Variants in WDR59 observed in about 807,000 individuals in gnomAD.
The protein encoded by WDR59 is GATOR2 complex protein WDR59.
A neutral mutation model predicts 131.2 loss-of-function variants in WDR59; 100 were observed. The ratio of observed to expected loss-of-function variants is 0.76; its 90% CI spans 0.65 to 0.90. The LOEUF is 0.90. WDR59 is among the 40% of genes least tolerant of loss of function. The pLI, the probability that WDR59 is intolerant of heterozygous loss-of-function variation, is 0.00. For synonymous variants in WDR59, 601 were observed against 466.2 expected, an observed-to-expected ratio of 1.29 and a Z score of -3.72; for missense variants, 1,203 against 1,262.2, an observed-to-expected ratio of 0.95 and a Z score of 0.71.
At chr16:74,897,933 G>C (rs778524694) in intron 18 of WDR59, among the ~76,000 whole-genome samples, 1 of 152,300 alleles carries the variant, frequency 6.6e-6, no homozygotes, top group Middle Eastern at 3.4e-3. Context: ...TAACGAGGCT[G>C]TCTAGCTGGA....
rs1274007257 is a variant in WDR59 at position 74,915,925 on chromosome 16, G to T, written c.1169C>A (p.Thr390Asn). ...GATCAGGGAGAATTCCTGCTGCAAG[G>T]TCTGAGGCAGCCCCAGTTGATCTGA... is the stretch of plus-strand genomic sequence containing the variant. ...RKSDQLGLPQTLQQEFSLINV... is the reference protein window; with the variant it reads ...RKSDQLGLPQNLQQEFSLINV... Residue 390 changes from threonine to asparagine, a missense_variant, in exon 13 of 26, where the codon ACC becomes AAC. Thr to Asn is a moderately conservative substitution (Grantham distance 65). Coordinates refer to ENST00000262144, the MANE Select transcript of WDR59 (RefSeq NM_030581.4). The T allele has an allele frequency of 6.2e-7, 1 of 1,614,190 alleles. No individual in the cohort carries two copies. The highest frequency in any genetic ancestry group is 1.1e-5 in the South Asian group (1 of 91,090).
In WDR59 at chr16:74,965,838, C is replaced by G; in HGVS notation, c.55-16G>C. The G allele has an allele frequency of 6.2e-7, 1 of 1,614,086 alleles. No homozygotes were observed. The highest frequency in any genetic ancestry group is 8.5e-7 in the Non-Finnish European group (1 of 1,180,016). On this transcript the variant is annotated splice_polypyrimidine_tract_variant and intron_variant, in intron 1 of 25. Coordinates refer to ENST00000262144, the MANE Select transcript of WDR59 (RefSeq NM_030581.4). ...TCGCAGTTGCCTGAGAGAGAGAACA[C>G]AGAGTCAGTGCTGCCAGCAAACCCA...
chr16:74,983,012 G>T (rs796561144), intron 1 of WDR59, among the ~76,000 whole-genome samples: 16 of 152,286 alleles, frequency 1.1e-4, no homozygotes, highest in African/African-American at 3.6e-4. Context: ...ATAAAAGTGT[G>T]GCACACAGAA....
intron 23 of WDR59, among the ~76,000 whole-genome samples, chr16:74,887,061 T>C (rs1964803698): frequency 6.6e-6 from 1 of 152,192 alleles, no homozygotes; most frequent in South Asian, 2.1e-4. Context: ...AAGTCACATA[T>C]ATCAAATGAC....
At chr16:74,972,586 C>T (rs970643788) in intron 1 of WDR59, among the ~76,000 whole-genome samples, 5 of 151,882 alleles carry the variant, frequency 3.3e-5, no homozygotes, top group Non-Finnish European at 1.5e-5. Context: ...GTAATCTCAG[C>T]ACGATGGGAG....
At chr16:74,961,071 A>C (rs1010674202) in intron 2 of WDR59, among the ~76,000 whole-genome samples, 2 of 151,958 alleles carry the variant, frequency 1.3e-5, no homozygotes, top group Non-Finnish European at 2.9e-5. Flanking sequence ...TTGGGGGGCC[A>C]AGGCAGGAGG....
chr16:74,903,671 A>G (rs1965662191), intron 18 of WDR59, among the ~76,000 whole-genome samples: 1 of 151,650 alleles, frequency 6.6e-6, no homozygotes, highest in African/African-American at 2.4e-5. Context: ...GAATCAACTC[A>G]GGGAGTGGAG....
intron 1 of WDR59, among the ~76,000 whole-genome samples, chr16:74,984,399 G>T (rs1294622953): frequency 6.6e-6 from 1 of 152,202 alleles, no homozygotes; most frequent in Non-Finnish European, 1.5e-5. Flanking sequence ...AGTGATGACA[G>T]GGTAGGGGCT....
intron 13 of WDR59, among the ~76,000 whole-genome samples, chr16:74,914,448 A>G (rs2095691697): frequency 6.6e-6 from 1 of 152,200 alleles, no homozygotes; most frequent in African/African-American, 2.4e-5. Context: ...TGGAGTAAAG[A>G]GAAAAGAACC....
Position 74,984,961 on chromosome 16 carries a change from C to T in WDR59, c.54+3G>A, listed in dbSNP as rs2034566657. On this transcript the variant is annotated splice_donor_region_variant and intron_variant, in intron 1 of 25. Transcript: ENST00000262144. ...AGAGGGCTCCACTCGGCCTCTAGCT[C>T]ACCTGGGAGTCACGGAACTCTACAA... 8 of 1,604,000 alleles carry T rather than the reference C, an allele frequency of 5.0e-6. No homozygotes were observed. Among genetic ancestry groups the T allele is most frequent in the South Asian group, 1.1e-5 (1 of 89,364 alleles).
At chr16:74,959,704 C>CAGCA in intron 2 of WDR59, 1 of 294,802 alleles carries the variant, frequency 3.4e-6, no homozygotes, top group Non-Finnish European at 6.5e-6. Flanking sequence ...ATTGCTTGCC[C>CAGCA]AGCAATTCAA....
At chr16:74,881,872 C>CAAAAAAAAAAA in intron 25 of WDR59, among the ~76,000 whole-genome samples, 1 of 48,458 alleles carries the variant, frequency 2.1e-5, no homozygotes, top group Non-Finnish European at 4.3e-5. Flanking sequence ...GACTCCGTCT[C>CAAAAAAAAAAA]AAAAAAAAAA....
Position 74,916,117 on chromosome 16 carries a change from G to A in WDR59, c.1099+10C>T. On this transcript the variant is annotated intron_variant, in intron 12 of 25. Transcript: ENST00000262144. The stretch of plus-strand genomic sequence containing the variant: ...GGCACCTTACCTGAGACATCAGTTT[G>A]ACAAATTACCTTCTTCCTCCCCATG... The A allele has an allele frequency of 6.2e-7, 1 of 1,614,162 alleles. No homozygotes were observed. The highest frequency in any genetic ancestry group is 8.5e-7 in the Non-Finnish European group (1 of 1,180,028).
chr16:74,965,851 G>T (rs757513923), intron 1 of WDR59, 29 bp from the exon 2 acceptor site: 3 of 1,613,942 alleles, frequency 1.9e-6, no homozygotes, highest in Non-Finnish European at 1.7e-6. Context: ...AGTCAGTGCT[G>T]CCAGCAAACC....
chr16:74,916,696 T>TAAA (rs1194734769), intron 11 of WDR59, among the ~76,000 whole-genome samples: 1 of 151,956 alleles, frequency 6.6e-6, no homozygotes, highest in Non-Finnish European at 1.5e-5. Flanking sequence ...CCGTCTCTAC[T>TAAA]AAAAATACAA....
intron 8 of WDR59, among the ~76,000 whole-genome samples, chr16:74,925,431 C>A (rs2030683059): frequency 6.6e-6 from 1 of 151,464 alleles, no homozygotes. Flanking sequence ...GTAGTCCCAG[C>A]TACTCAGGAG....
intron 21 of WDR59, 91 bp downstream of exon 21, chr16:74,889,612 G>T: frequency 1.0e-6 from 1 of 980,104 alleles, no homozygotes; most frequent in Non-Finnish European, 1.6e-6. Flanking sequence ...TCGGGCCTCT[G>T]CACCTTTCTC....
At chr16:74,979,838 C>CTTTTTT (rs56943510) in intron 1 of WDR59, among the ~76,000 whole-genome samples, 12 of 60,502 alleles carry the variant, frequency 2.0e-4, no homozygotes, top group South Asian at 1.1e-3. Flanking sequence ...CACACCCGGC[C>CTTTTTT]TTTTTTTTTT....
intron 6 of WDR59, among the ~76,000 whole-genome samples, chr16:74,947,151 G>A (rs1242502832): frequency 6.6e-6 from 1 of 152,138 alleles, no homozygotes; most frequent in Non-Finnish European, 1.5e-5. Context: ...GTTCATCCAT[G>A]TTAAACAACA....
Sources: gnomAD v4.1 joint callset for allele counts (sites outside exome capture counted in the v4.1 genomes callset) on GRCh38, gnomAD v4.1.1 for gene constraint, MANE v1.5 for transcripts, NCBI Gene and HGNC (gene_info 2026-07-23, HGNC 2026-07-21) for gene names.